The following YWHAE variants were observed in gnomAD, a reference collection of about 807,000 sequenced individuals.
YWHAE encodes the protein tyrosine 3-monooxygenase/tryptophan 5-monooxygenase activation protein epsilon, also known as 14-3-3 protein epsilon.
YWHAE carries 4 observed loss-of-function variants against 30.1 expected under a neutral mutation model. The ratio of observed to expected loss-of-function variants is 0.13; its 90% CI spans 0.07 to 0.30. The LOEUF (loss-of-function observed/expected upper bound fraction) is 0.30. Among genes scored for constraint, YWHAE ranks in the 10% least tolerant of loss-of-function variants. The pLI, the probability that YWHAE is intolerant of heterozygous loss-of-function variation, is 1.00. For missense variants in YWHAE, 121 were observed against 315.9 expected (o/e 0.38, Z 4.68); for synonymous variants, 118 against 111.8 (o/e 1.06, Z -0.35).
chr17:1,397,121 A>G (rs1047653962), intron 1 of YWHAE, among the ~76,000 whole-genome samples: 1 of 148,766 alleles, frequency 6.7e-6, no homozygotes, highest in South Asian at 2.1e-4. Context: ...CTGGTCTTGA[A>G]CTCCCGACCT....
rs766740530 is a variant in YWHAE at position 1,364,949 on chromosome 17, G to A, written c.174C>T (p.Ala58=). Residue 58 remains alanine (A), a synonymous_variant, in exon 2 of 6, where the codon GCC becomes GCT. Transcript: ENST00000264335. ...AYKNVIGARR[A]SWRIISSIEQ... Reference sequence around the variant, plus strand: ...CAATGCTGCTGATTATTCTCCAGGAGGCTCTTCTAGCTCCAATCACATTCT... The same window carrying A: ...CAATGCTGCTGATTATTCTCCAGGAAGCTCTTCTAGCTCCAATCACATTCT... 15 of 1,614,064 alleles carry A rather than the reference G, an allele frequency of 9.3e-6. No individual in the cohort carries two copies. The highest frequency in any genetic ancestry group is 1.3e-5 in the Non-Finnish European group (15 of 1,180,004).
chr17:1,390,068 T>TC (rs2073367211), intron 1 of YWHAE, among the ~76,000 whole-genome samples: 1 of 152,076 alleles, frequency 6.6e-6, no homozygotes, highest in Admixed American at 6.6e-5. Context: ...GGTCTTGAAC[T>TC]CCCGACCTCA....
intron 1 of YWHAE, among the ~76,000 whole-genome samples, chr17:1,374,992 G>A (rs2073101751): frequency 6.6e-6 from 1 of 152,082 alleles, no homozygotes; most frequent in African/African-American, 2.4e-5. Context: ...CATGATCACA[G>A]CGCACTATGT....
At position 1,361,883 on chromosome 17, in the gene YWHAE, C is replaced by T; in HGVS notation, c.371+19G>A. ...ACCAACTTTCAATCTTACATTTTCC[C>T]TTCTAGTATAGAACCTACATTTTAT... On this transcript the variant is annotated intron_variant, in intron 3 of 5. Coordinates refer to ENST00000264335, the MANE Select transcript of YWHAE (RefSeq NM_006761.5). 2 of 1,527,416 alleles carry T rather than the reference C, an allele frequency of 1.3e-6. No homozygotes were observed. The highest frequency in any genetic ancestry group is 1.8e-6 in the Non-Finnish European group (2 of 1,128,876). 94.6% of individuals were successfully genotyped at this position (1,527,416 alleles called of 1,614,324 possible).
intron 1 of YWHAE, among the ~76,000 whole-genome samples, chr17:1,390,461 A>G (rs1401002573): frequency 1.3e-5 from 2 of 152,228 alleles, no homozygotes; most frequent in Non-Finnish European, 2.9e-5. Flanking sequence ...CAGCAGTAAC[A>G]AAAACAATTA....
intron 4 of YWHAE, among the ~76,000 whole-genome samples, chr17:1,359,157 AAAAAGGAAAAG>A (rs2072812494): frequency 1.3e-5 from 2 of 152,110 alleles, no homozygotes; most frequent in Admixed American, 6.6e-5. Context: ...AAAAGAAAAA[AAAAAGGAAAAG>A]AAAAGGCCAG....
At position 1,400,160 on chromosome 17, in the gene YWHAE, G is replaced by A. The variant is rs1340944128; in HGVS notation, c.-50C>T. On this transcript the variant is annotated 5_prime_UTR_variant, in exon 1 of 6. Coordinates refer to ENST00000264335, the MANE Select transcript of YWHAE (RefSeq NM_006761.5). ...TGCGCGACGGATGGAAGCGGATAGT[G>A]TCTCCGACTCTCTCAGCCTCTCGCT... is the stretch of plus-strand genomic sequence containing the variant. The A allele has an allele frequency of 3.1e-6, 5 of 1,605,520 alleles. No individual in the cohort carries two copies. The highest frequency in any genetic ancestry group is 1.7e-5 in the Admixed American group (1 of 59,980).
At chr17:1,387,666 G>A (rs2073319345) in intron 1 of YWHAE, among the ~76,000 whole-genome samples, 2 of 152,082 alleles carry the variant, frequency 1.3e-5, no homozygotes, top group African/African-American at 4.8e-5. Flanking sequence ...CTGTTTCCCA[G>A]GCTGGAGTGC....
chr17:1,348,087 C>T, intron 5 of YWHAE: 1 of 718,432 alleles, frequency 1.4e-6, no homozygotes, highest in Non-Finnish European at 1.7e-6. Context: ...CAGAGCAGGA[C>T]AAAGGAAAAC....
chr17:1,358,461 G>A (rs60723191), intron 4 of YWHAE, among the ~76,000 whole-genome samples: 12 of 151,876 alleles, frequency 7.9e-5, no homozygotes, highest in Non-Finnish European at 1.3e-4. Context: ...CGATGGTCTC[G>A]ATCTCCTGAC....
At chr17:1,355,679 T>C (rs1487919696) in intron 4 of YWHAE, among the ~76,000 whole-genome samples, 2 of 152,018 alleles carry the variant, frequency 1.3e-5, no homozygotes, top group East Asian at 3.9e-4. Flanking sequence ...AAAAGAGACA[T>C]AATCTAAGTC....
At chr17:1,349,780 T>C (rs1300203154) in intron 5 of YWHAE, among the ~76,000 whole-genome samples, 1 of 147,290 alleles carries the variant, frequency 6.8e-6, no homozygotes, top group Non-Finnish European at 1.5e-5. Flanking sequence ...GCCCGGGTAA[T>C]TTTTTTTGTA....
intron 5 of YWHAE, chr17:1,347,887 A>G: frequency 1.2e-6 from 1 of 867,752 alleles, no homozygotes. Flanking sequence ...AAGCAACAGG[A>G]CGATCATACG....
chr17:1,361,758 C>G, intron 3 of YWHAE, 144 bp downstream of exon 3: 1 of 568,138 alleles, frequency 1.8e-6, no homozygotes, highest in Non-Finnish European at 3.0e-6. Context: ...ATAGCCCAAC[C>G]ACCTTTTCAT....
At chr17:1,393,135 A>AAAAT (rs147882027) in intron 1 of YWHAE, among the ~76,000 whole-genome samples, 2,808 of 144,330 alleles carry the variant, frequency 0.019, 35 homozygotes, top group Middle Eastern at 0.049. Context: ...ATCTCTCCAA[A>AAAAT]AAATAAATAA....
chr17:1,382,620 A>G (rs2073231639), intron 1 of YWHAE, among the ~76,000 whole-genome samples: 2 of 151,872 alleles, frequency 1.3e-5, no homozygotes, highest in South Asian at 4.2e-4. Flanking sequence ...TCGGCCTCCC[A>G]AAGTGCTAGG....
At position 1,361,197 on chromosome 17, in the gene YWHAE, A is replaced by C; in HGVS notation, c.473T>G (p.Ile158Ser). 2 of 1,614,128 alleles carry C rather than the reference A, an allele frequency of 1.2e-6. No homozygotes were observed. Among genetic ancestry groups the C allele is most frequent in the Non-Finnish European group, 1.7e-6 (2 of 1,180,036 alleles). Residue 158 changes from isoleucine (I) to serine (S), a missense_variant, in exon 4 of 6, where the codon ATT (isoleucine) becomes AGT (serine). Transcript: ENST00000264335. ...CGTTGGTGGAAGTTCTGTCATTGCA[A>C]TATCACTAGCAGCTTTATAAGCCAC... ...SLVAYKAASD[I>S]AMTELPPTHP...
In YWHAE at chr17:1,355,179, C is replaced by T. The variant is rs1248783912; in HGVS notation, c.579-832G>A. On this transcript the variant is annotated intron_variant, in intron 4 of 5. Transcript: ENST00000264335. ...TTTTTTTTTTTTTTTTTTTGGGGGA[C>T]GGGGTCTCGCTCTATCACCCAGGCT... 9.0e-5 allele frequency among the ~76,000 whole-genome samples: 5 copies of T among 55,628 alleles called. No homozygotes were observed. In the South Asian group the frequency reaches 1.9e-3, roughly 21 times the overall value. 36.5% of individuals were successfully genotyped at this position (55,628 alleles called of 152,430 possible).
chr17:1,371,440 G>A (rs1333218468), intron 1 of YWHAE, among the ~76,000 whole-genome samples: 1 of 151,278 alleles, frequency 6.6e-6, no homozygotes, highest in Non-Finnish European at 1.5e-5. Flanking sequence ...TTTTTTCTGA[G>A]TACCAAGCTT....
Sources: allele counts gnomAD v4.1 joint callset (sites outside exome capture counted in the v4.1 genomes callset), GRCh38; gene constraint gnomAD v4.1.1; transcripts MANE v1.5; gene names NCBI Gene and HGNC (gene_info 2026-07-23, HGNC 2026-07-21).